Variants in ULK4 observed in about 807,000 individuals in gnomAD.
ULK4 encodes the protein unc-51 like kinase 4, also known as inactive serine/threonine-protein kinase ULK4.
A neutral mutation model predicts 160.6 loss-of-function variants in ULK4; 133 were observed. The observed-to-expected ratio is 0.83, with a 90% CI of 0.72 to 0.96. ULK4 has a LOEUF of 0.96. ULK4 is among the 40% of genes least tolerant of loss of function. The pLI, the probability that ULK4 is intolerant of heterozygous loss-of-function variation, is 0.00. For synonymous variants in ULK4, 534 were observed against 539.8 expected, an observed-to-expected ratio of 0.99 and a Z score of 0.15; for missense variants, 1,580 against 1,499.5, an observed-to-expected ratio of 1.05 and a Z score of -0.89.
chr3:41,715,608 C>A (rs757284242), intron 23 of ULK4, 40 bp from the exon 24 acceptor site: 3 of 1,612,482 alleles, frequency 1.9e-6, no homozygotes, highest in Non-Finnish European at 2.5e-6. Flanking sequence ...AGGTTAAAAA[C>A]CACAAATACT....
chr3:41,320,951 T>C (rs1309770231), intron 35 of ULK4, among the ~76,000 whole-genome samples: 1 of 151,922 alleles, frequency 6.6e-6, no homozygotes, highest in Non-Finnish European at 1.5e-5. Context: ...ATAAGCCAGG[T>C]AGGCTGCTCT....
At chr3:41,677,031 T>C (rs913753879) in intron 29 of ULK4, among the ~76,000 whole-genome samples, 4 of 149,562 alleles carry the variant, frequency 2.7e-5, no homozygotes, top group Non-Finnish European at 5.9e-5. Flanking sequence ...CTCACCCTAC[T>C]GAGTAGCTGG....
intron 23 of ULK4, among the ~76,000 whole-genome samples, chr3:41,716,166 T>C (rs2037258133): frequency 6.6e-6 from 1 of 150,580 alleles, no homozygotes. Context: ...TGAGCTGAGA[T>C]AGTGCCACTG....
At chr3:41,712,358 C>T (rs1040929846) in intron 25 of ULK4, among the ~76,000 whole-genome samples, 1 of 152,106 alleles carries the variant, frequency 6.6e-6, no homozygotes, top group African/African-American at 2.4e-5. Flanking sequence ...ATCTCCACAC[C>T]CACCCCAAGG....
intron 31 of ULK4, among the ~76,000 whole-genome samples, chr3:41,612,189 T>C (rs1030822799): frequency 4.6e-5 from 7 of 152,164 alleles, no homozygotes; most frequent in African/African-American, 1.4e-4. Flanking sequence ...GGGTGGTTTC[T>C]AGAATCAATC....
At chr3:41,775,181 G>A (rs111877184) in intron 21 of ULK4, among the ~76,000 whole-genome samples, 5 of 148,770 alleles carry the variant, frequency 3.4e-5, no homozygotes, top group East Asian at 1.9e-4. Flanking sequence ...TGTAACAAAC[G>A]TGCACGTTGT....
chr3:41,787,734 T>C lies in ULK4; in HGVS notation c.2193+1927A>G, dbSNP rs149301335. Among the ~76,000 whole-genome samples, 463 of 152,336 alleles carry C rather than the reference T, an allele frequency of 3.0e-3. 2 individuals carry two copies. The highest frequency in any genetic ancestry group is 0.014 in the East Asian group (72 of 5,188). On this transcript the variant is annotated intron_variant, in intron 21 of 36. Transcript: ENST00000301831. ...TATAAGTTCTATGTTATGTGTTATC[T>C]ACCACAATAAAAACTTTTTTAATGT...
At chr3:41,597,048 G>T (rs746795588) in intron 31 of ULK4, among the ~76,000 whole-genome samples, 7 of 152,124 alleles carry the variant, frequency 4.6e-5, no homozygotes, top group Non-Finnish European at 8.8e-5. Flanking sequence ...TTGGTGGTCA[G>T]GACAGAGAAC....
At chr3:41,571,759 G>A (rs1279937519) in intron 31 of ULK4, among the ~76,000 whole-genome samples, 5 of 152,170 alleles carry the variant, frequency 3.3e-5, no homozygotes, top group Non-Finnish European at 7.3e-5. Flanking sequence ...GAATCCCAGG[G>A]TGAAAGGGCA....
intron 25 of ULK4, among the ~76,000 whole-genome samples, chr3:41,706,836 A>ATAT (rs1338646937): frequency 1.1e-4 from 14 of 124,064 alleles, no homozygotes; most frequent in African/African-American, 6.5e-4. Context: ...TCAAAAAAAA[A>ATAT]AAAAAAAAAA....
chr3:41,693,579 A>G (rs1472710041), intron 27 of ULK4, among the ~76,000 whole-genome samples: 1 of 152,212 alleles, frequency 6.6e-6, no homozygotes, highest in African/African-American at 2.4e-5. Context: ...TGTTACATTC[A>G]GTATAAGAAG....
At chr3:41,557,174 T>C (rs1331085925) in intron 32 of ULK4, among the ~76,000 whole-genome samples, 1 of 152,052 alleles carries the variant, frequency 6.6e-6, no homozygotes, top group Non-Finnish European at 1.5e-5. Context: ...AATGTCATTA[T>C]TCCTGATTAC....
At chr3:41,532,873 T>G (rs971721176) in intron 32 of ULK4, among the ~76,000 whole-genome samples, 2 of 152,230 alleles carry the variant, frequency 1.3e-5, no homozygotes, top group Non-Finnish European at 2.9e-5. Context: ...AGATTAAAGA[T>G]GGCCACAAAT....
At chr3:41,769,832 C>G (rs1294478081) in intron 21 of ULK4, among the ~76,000 whole-genome samples, 2 of 152,100 alleles carry the variant, frequency 1.3e-5, no homozygotes, top group African/African-American at 4.8e-5. Flanking sequence ...TTATCTCTTA[C>G]AAATCTCAAG....
intron 22 of ULK4, among the ~76,000 whole-genome samples, chr3:41,751,971 A>G (rs1482926036): frequency 6.6e-6 from 1 of 152,232 alleles, no homozygotes; most frequent in East Asian, 1.9e-4. Context: ...CACAAGGGCA[A>G]GAACTAGACA....
In ULK4 at chr3:41,717,749, G is replaced by A. The variant is rs202004608; in HGVS notation, c.2434C>T (p.Gln812Ter). Residue 812 changes from glutamine (Q) to a stop codon, truncating the protein, a stop_gained, in exon 23 of 37, where the codon CAG becomes TAG. Coordinates refer to ENST00000301831, the MANE Select transcript of ULK4 (RefSeq NM_017886.4). LOFTEE classifies it high-confidence loss of function. Reference protein sequence around the residue: ...CLDLLICHIVQELPRILGDIL... With the variant: ...CLDLLICHIV ...TTACCCAGGATTCGTGGCAGCTCCT[G>A]CACAATGTGACAGATGAGAAGATCC... The A allele has an allele frequency of 5.6e-6, 9 of 1,613,848 alleles. No homozygotes were observed. The African/African-American group carries it at 1.1e-4, about 19-fold the overall frequency.
At chr3:41,487,314 G>A (rs1453308220) in intron 32 of ULK4, among the ~76,000 whole-genome samples, 1 of 152,050 alleles carries the variant, frequency 6.6e-6, no homozygotes, top group African/African-American at 2.4e-5. Context: ...ATCTTATTGG[G>A]ATTTTTGAGG....
intron 35 of ULK4, among the ~76,000 whole-genome samples, chr3:41,372,332 A>T (rs1190943157): frequency 6.6e-6 from 1 of 152,186 alleles, no homozygotes; most frequent in East Asian, 1.9e-4. Context: ...CAACCCCAAG[A>T]AACACAATTG....
intron 35 of ULK4, among the ~76,000 whole-genome samples, chr3:41,374,764 A>G (rs189125836): frequency 7.0e-4 from 106 of 152,282 alleles, no homozygotes; most frequent in African/African-American, 2.4e-3. Context: ...CCTATTCAAC[A>G]TAATATTGGA....
Sources: gnomAD v4.1 joint callset for allele counts (sites outside exome capture counted in the v4.1 genomes callset) on GRCh38, gnomAD v4.1.1 for gene constraint, MANE v1.5 for transcripts, NCBI Gene and HGNC (gene_info 2026-07-23, HGNC 2026-07-21) for gene names.